Variants in TANC2 observed in about 807,000 individuals in gnomAD.
TANC2 encodes tetratricopeptide repeat, ankyrin repeat and coiled-coil containing 2, also known as protein TANC2.
In TANC2, 26 loss-of-function variants were observed where a neutral mutation model predicts 210.5. That is an observed-to-expected ratio of 0.12 (90% CI 0.09 to 0.17). TANC2 has a LOEUF of 0.17. Ranked by LOEUF, TANC2 falls within the 10% of genes least tolerant of loss-of-function variation. The pLI, the probability that TANC2 is intolerant of heterozygous loss-of-function variation, is 1.00. For synonymous variants in TANC2, 931 were observed against 967.1 expected (o/e 0.96, Z 0.69); for missense variants, 2,129 against 2,608.9 (o/e 0.82, Z 4.01).
intron 25 of TANC2, chr17:63,414,130 A>C (rs1383098992): frequency 6.6e-5 from 10 of 152,530 alleles, no homozygotes; most frequent in Admixed American, 5.9e-4. Context: ...AATAACAAAA[A>C]CTGTGGAGGC....
At chr17:63,310,476 G>A (rs1448751223) in intron 9 of TANC2, among the ~76,000 whole-genome samples, 1 of 151,918 alleles carries the variant, frequency 6.6e-6, no homozygotes, top group Non-Finnish European at 1.5e-5. Context: ...TTTCTAAAAG[G>A]AAGAAAGAAA....
chr17:63,104,813 A>C (rs1044844769), intron 4 of TANC2, among the ~76,000 whole-genome samples: 2 of 147,992 alleles, frequency 1.4e-5, no homozygotes, highest in African/African-American at 5.3e-5. Flanking sequence ...CTCTTGAGAC[A>C]GTATAACAAA....
At chr17:63,152,737 G>A (rs2039698125) in intron 5 of TANC2, 1 of 152,006 alleles carries the variant, frequency 6.6e-6, no homozygotes, top group Non-Finnish European at 1.5e-5. Flanking sequence ...CCTTTCTTGA[G>A]TTTTAGAAGG....
intron 5 of TANC2, among the ~76,000 whole-genome samples, chr17:63,179,099 A>G (rs2040689324): frequency 6.6e-6 from 1 of 152,152 alleles, no homozygotes; most frequent in South Asian, 2.1e-4. Flanking sequence ...CCTGTATTAT[A>G]TTTATCACAG....
intron 19 of TANC2, among the ~76,000 whole-genome samples, chr17:63,401,789 C>T (rs2048351843): frequency 2.0e-5 from 3 of 152,154 alleles, no homozygotes; most frequent in African/African-American, 4.8e-5. Context: ...CCAGGACCAG[C>T]GCTGAGAGCT....
chr17:63,082,421 C>A (rs988125872), intron 3 of TANC2, among the ~76,000 whole-genome samples: 1 of 151,808 alleles, frequency 6.6e-6, no homozygotes, highest in Non-Finnish European at 1.5e-5. Context: ...ATGTTTTTTT[C>A]CTAGTGAAAG....
intron 9 of TANC2, among the ~76,000 whole-genome samples, chr17:63,279,959 A>G (rs963030253): frequency 6.6e-6 from 1 of 152,126 alleles, no homozygotes; most frequent in Non-Finnish European, 1.5e-5. Flanking sequence ...GTGGGGAGAA[A>G]TGAAGTGGCA....
intron 2 of TANC2, among the ~76,000 whole-genome samples, chr17:63,044,766 G>A (rs950358453): frequency 3.3e-5 from 5 of 152,008 alleles, no homozygotes; most frequent in African/African-American, 9.7e-5. Context: ...CTTTTTCTCA[G>A]TCTGGTAGGA....
intron 9 of TANC2, among the ~76,000 whole-genome samples, chr17:63,286,145 C>A (rs779899862): frequency 6.6e-6 from 1 of 152,136 alleles, no homozygotes; most frequent in Non-Finnish European, 1.5e-5. Flanking sequence ...AGAGTTTTAA[C>A]CAATAAGATA....
chr17:63,205,410 A>G (rs973693477), intron 7 of TANC2, among the ~76,000 whole-genome samples: 14 of 149,962 alleles, frequency 9.3e-5, no homozygotes, highest in African/African-American at 3.4e-4. Context: ...TGCAGAAGAC[A>G]TTTTTAAGAC....
chr17:63,238,676 C>A (rs563063144), intron 8 of TANC2, among the ~76,000 whole-genome samples: 1 of 152,116 alleles, frequency 6.6e-6, no homozygotes, highest in Non-Finnish European at 1.5e-5. Context: ...TGTATTAGTC[C>A]GTTTTCACAC....
intron 7 of TANC2, among the ~76,000 whole-genome samples, chr17:63,232,564 C>T (rs943558861): frequency 2.6e-5 from 4 of 152,250 alleles, no homozygotes; most frequent in African/African-American, 9.6e-5. Context: ...ACCTGGGTCC[C>T]TCCTACAACT....
chr17:63,246,257 T>G (rs1423828471), intron 8 of TANC2, among the ~76,000 whole-genome samples: 1 of 151,962 alleles, frequency 6.6e-6, no homozygotes, highest in African/African-American at 2.4e-5. Context: ...TTTTTTTGTT[T>G]TTTTTTCTAA....
At chr17:63,398,185 C>T (rs1338852817) in intron 18 of TANC2, among the ~76,000 whole-genome samples, 1 of 152,132 alleles carries the variant, frequency 6.6e-6, no homozygotes, top group Non-Finnish European at 1.5e-5. Flanking sequence ...TGGCTGACAC[C>T]TGTAATCCCA....
rs550910843 is a variant in TANC2 at position 63,328,876 on chromosome 17, A to G, written c.1575+9786A>G. 1.3e-4 allele frequency among the ~76,000 whole-genome samples: 20 copies of G among 152,302 alleles called. No homozygotes were observed. In the East Asian group the frequency reaches 3.9e-3, roughly 29 times the overall value. The stretch of plus-strand genomic sequence containing the variant: ...ATTCCACATTATATACATATATCAA[A>G]ACATCACATTGTACCCCATAAATGT... On this transcript the variant is annotated intron_variant, in intron 11 of 27. Transcript: ENST00000689528.
At chr17:63,157,691 T>C (rs956086266) in intron 5 of TANC2, among the ~76,000 whole-genome samples, 3 of 152,220 alleles carry the variant, frequency 2.0e-5, no homozygotes, top group African/African-American at 4.8e-5. Flanking sequence ...TATTAAAATA[T>C]GTAAAATAAA....
chr17:63,281,642 T>G (rs1350579810), intron 9 of TANC2, among the ~76,000 whole-genome samples: 1 of 152,066 alleles, frequency 6.6e-6, no homozygotes, highest in East Asian at 1.9e-4. Flanking sequence ...CCCAGTGTAA[T>G]TGAATAATGT....
chr17:63,101,122 A>G (rs1567723335), intron 4 of TANC2, among the ~76,000 whole-genome samples: 1 of 152,230 alleles, frequency 6.6e-6, no homozygotes, highest in Non-Finnish European at 1.5e-5. Context: ...TTAACCTGGA[A>G]TGAAATTACT....
chr17:63,219,878 A>G (rs1372218799), intron 7 of TANC2, among the ~76,000 whole-genome samples: 1 of 152,234 alleles, frequency 6.6e-6, no homozygotes, highest in Non-Finnish European at 1.5e-5. Flanking sequence ...ATTAGCCAGA[A>G]CAAATTTTGA....
Sources: gnomAD v4.1 joint callset for allele counts (sites outside exome capture counted in the v4.1 genomes callset) on GRCh38, gnomAD v4.1.1 for gene constraint, MANE v1.5 for transcripts, NCBI Gene and HGNC (gene_info 2026-07-23, HGNC 2026-07-21) for gene names.